The following ADAMTSL2 variants were observed in gnomAD, a reference collection of about 807,000 sequenced individuals.
ADAMTSL2 encodes ADAMTS-like protein 2.
In ADAMTSL2, 55 loss-of-function variants were observed where a neutral mutation model predicts 117.0. The observed-to-expected ratio is 0.47, with a 90% CI of 0.38 to 0.59. ADAMTSL2 has a LOEUF of 0.59. Among genes scored for constraint, ADAMTSL2 ranks in the 20% least tolerant of loss-of-function variants. The pLI, the probability that ADAMTSL2 is intolerant of heterozygous loss-of-function variation, is 0.00. For synonymous variants in ADAMTSL2, 572 were observed against 566.4 expected, an observed-to-expected ratio of 1.01 and a Z score of -0.14; for missense variants, 1,182 against 1,354.5, an observed-to-expected ratio of 0.87 and a Z score of 2.00.
In ADAMTSL2 at chr9:133,554,468, G is replaced by A; in HGVS notation, c.1051G>A (p.Glu351Lys). The change falls in exon 10 of 19, where the codon GAG becomes AAG. Residue 351 changes from glutamate to lysine, a missense_variant. Transcript: ENST00000651351. This position sits in a 1 kb window ranked among gnomAD's most constrained non-coding sequence, Gnocchi z 5.2. Reference protein sequence around the residue: ...PIYYGFSESAESQGLDGAGLM... With the variant: ...PIYYGFSESAKSQGLDGAGLM... ...CTACTATGGCTTCTCCGAGAGCGCT[G>A]AGAGCCAGGGCCTGGACGGGGCCGG... The A allele has an allele frequency of 6.4e-7, 1 of 1,554,986 alleles. No individual in the cohort carries two copies. Among genetic ancestry groups the A allele is most frequent in the Non-Finnish European group, 8.7e-7 (1 of 1,149,624 alleles).
chr9:133,547,945 G>A (rs1830393689), intron 9 of ADAMTSL2, among the ~76,000 whole-genome samples: 1 of 152,244 alleles, frequency 6.6e-6, no homozygotes, highest in African/African-American at 2.4e-5. Flanking sequence ...TGGTGGCTTG[G>A]TGCCTCAGCA....
At chr9:133,542,683 C>T (rs1830253589) in intron 7 of ADAMTSL2, among the ~76,000 whole-genome samples, 1 of 152,172 alleles carries the variant, frequency 6.6e-6, no homozygotes, top group Admixed American at 6.5e-5. Flanking sequence ...AATAACTCAT[C>T]CAAGGTCACA....
chr9:133,538,478 A>G (rs1830109356), intron 4 of ADAMTSL2, 54 bp downstream of exon 4: 3 of 1,596,590 alleles, frequency 1.9e-6, no homozygotes, highest in African/African-American at 2.7e-5. Flanking sequence ...GTCATCATGC[A>G]GTTTTCAGGG....
At chr9:133,532,945 G>A (rs1429556537), upstream of ADAMTSL2, among the ~76,000 whole-genome samples, 1 of 152,182 alleles carries the variant, frequency 6.6e-6, no homozygotes, top group Non-Finnish European at 1.5e-5. Context: ...GAAGACACTG[G>A]GGGTGTTTGT....
rs1417572390 is a variant in ADAMTSL2 at position 133,575,271 on chromosome 9, C to T, written c.*407C>T. ...GGGCCTTCTGAAGGAAACTTGCAGG[C>T]GAGCCCAACGTGGTGGGGGGCCTTC... On this transcript the variant is annotated 3_prime_UTR_variant, in exon 19 of 19. Transcript: ENST00000651351. The T allele has an allele frequency of 3.3e-5, 8 of 243,604 alleles. No individual in the cohort carries two copies. The highest frequency in any genetic ancestry group is 4.5e-5 in the African/African-American group (2 of 44,450). The allele number at this position is 243,604 out of a possible 1,614,324, so 15.1% of individuals were successfully genotyped here. A position where few individuals can be genotyped will look rare whatever the true frequency, so the allele number is the denominator to read the frequency against.
chr9:133,566,216 C>A (rs1370456229), intron 12 of ADAMTSL2, among the ~76,000 whole-genome samples: 1 of 152,140 alleles, frequency 6.6e-6, no homozygotes, highest in Admixed American at 6.5e-5. Flanking sequence ...CCAAGGCGGG[C>A]GGATCACCTG....
rs1830667930 is a variant in ADAMTSL2, at chr9:133,558,988, GC to G, written c.1650-2207del. The stretch of plus-strand genomic sequence containing the variant: ...AATCCAAAGGGTTATTTTGAACCGG[GC>G]CCGCTCTCTCTTGAGTCAGGCATGA... On this transcript the variant is annotated intron_variant, in intron 11 of 18. Transcript: ENST00000651351. This position sits in a 1 kb window ranked among gnomAD's most constrained non-coding sequence, Gnocchi z 4.3. 6.6e-6 allele frequency among the ~76,000 whole-genome samples: 1 copy of G among 152,172 alleles called. No homozygotes were observed. Among genetic ancestry groups the G allele is most frequent in the Admixed American group, 6.5e-5 (1 of 15,276 alleles).
upstream of ADAMTSL2, among the ~76,000 whole-genome samples, chr9:133,533,961 AG>A (rs903983790): frequency 1.7e-4 from 26 of 152,206 alleles, no homozygotes; most frequent in African/African-American, 6.0e-4. Context: ...GGAGTTTCCC[AG>A]GGGGGCTCTG....
At position 133,557,219 on chromosome 9, in the gene ADAMTSL2, G is replaced by A. The variant is rs938822933; in HGVS notation, c.1649+1289G>A. 3.3e-5 allele frequency among the ~76,000 whole-genome samples: 5 copies of A among 152,308 alleles called. No homozygotes were observed. The highest frequency in any genetic ancestry group is 6.5e-5 in the Admixed American group (1 of 15,306). The stretch of plus-strand genomic sequence containing the variant: ...GCAACAAAGCCAACCTCCCTGGTGA[G>A]CCAGGAGCCCCAGGGGATGCCTGCC... On this transcript the variant is annotated intron_variant, in intron 11 of 18. Coordinates refer to ENST00000651351, the MANE Select transcript of ADAMTSL2 (RefSeq NM_014694.4). This position sits in a 1 kb window ranked among gnomAD's most constrained non-coding sequence, Gnocchi z 5.2.
intron 12 of ADAMTSL2, among the ~76,000 whole-genome samples, chr9:133,564,209 A>G (rs1588303548): frequency 2.6e-5 from 2 of 78,046 alleles, no homozygotes; most frequent in Non-Finnish European, 5.5e-5. Flanking sequence ...GGAGAGAGAG[A>G]GAGGGAGAGG....
intron 4 of ADAMTSL2, 85 bp from the exon 5 acceptor site, chr9:133,539,686 G>GTCCCGGCTGTCCCGGCTGTCCCGGCTGT (rs1554810799): frequency 1.2e-3 from 1,542 of 1,306,220 alleles, no homozygotes; most frequent in Middle Eastern, 1.5e-3. Context: ...TGTCCCGGCT[G>GTCCCGGCTGTCCCGGCTGTCCCGGCTGT]CAGCCACTTC....
intron 9 of ADAMTSL2, among the ~76,000 whole-genome samples, chr9:133,547,866 G>A (rs10117728): frequency 0.84 from 128,170 of 151,848 alleles, 54,867 homozygotes; most frequent in Non-Finnish European, 0.92. Flanking sequence ...TGGGCAGGAG[G>A]GAGCGTGGGC....
At position 133,555,867 on chromosome 9, in the gene ADAMTSL2, C is replaced by T; in HGVS notation, c.1586C>T (p.Ala529Val). Residue 529 changes from alanine (A) to valine (V), a missense_variant, in exon 11 of 19, where the codon GCC becomes GTC. By Grantham distance (64) the Ala-to-Val change is moderately conservative (BLOSUM62 0). Transcript: ENST00000651351. ...AGGGTTGCCAACAGCTCCTCCGAGGCCCCATTCCCCAACGTTAGCACCAGC... is the reference window on the plus strand; with the variant it reads ...AGGGTTGCCAACAGCTCCTCCGAGGTCCCATTCCCCAACGTTAGCACCAGC... The part of the protein sequence containing the change: ...SDRVANSSSE[A>V]PFPNVSTSLL... 1 of 1,613,274 alleles carries T rather than the reference C, an allele frequency of 6.2e-7. No individual in the cohort carries two copies. Among genetic ancestry groups the T allele is most frequent in the Non-Finnish European group, 8.5e-7 (1 of 1,179,950 alleles).
At chr9:133,567,230 G>A (rs1036742141) in intron 13 of ADAMTSL2, among the ~76,000 whole-genome samples, 168 bp downstream of exon 13, 2 of 152,202 alleles carry the variant, frequency 1.3e-5, no homozygotes, top group East Asian at 3.9e-4. Context: ...AGACCTTCTG[G>A]GTCTTCCCAG....
intron 16 of ADAMTSL2, among the ~76,000 whole-genome samples, chr9:133,569,927 G>A (rs1831065678): frequency 6.6e-6 from 1 of 152,220 alleles, no homozygotes; most frequent in African/African-American, 2.4e-5. Context: ...ATCGTGACCA[G>A]TGTGTCTTCC....
At chr9:133,533,131 G>C (rs547632473), upstream of ADAMTSL2, among the ~76,000 whole-genome samples, 3 of 151,538 alleles carry the variant, frequency 2.0e-5, no homozygotes, top group East Asian at 5.9e-4. Flanking sequence ...AGTGTAATCC[G>C]GTCATGTGAG....
intron 9 of ADAMTSL2, 120 bp downstream of exon 9, chr9:133,547,333 G>A (rs1830376315): frequency 8.2e-6 from 8 of 978,938 alleles, no homozygotes; most frequent in Non-Finnish European, 1.1e-5. Flanking sequence ...GCGTGCACCC[G>A]GCAGCCTCAC....
rs2131184808 is a variant in ADAMTSL2, at chr9:133,570,390, C to T, written c.2475C>T (p.Ala825=). The T allele has an allele frequency of 1.9e-6, 3 of 1,570,820 alleles. No individual in the cohort carries two copies. Among genetic ancestry groups the T allele is most frequent in the South Asian group, 1.2e-5 (1 of 85,820 alleles). Residue 825 remains alanine (A), a synonymous_variant, in exon 17 of 19, where the codon GCC becomes GCT. Coordinates refer to ENST00000651351, the MANE Select transcript of ADAMTSL2 (RefSeq NM_014694.4). The part of the protein sequence containing the change: ...KKRLVLCMEL[A]NGKPQTRSGP... ...GGCTGGTGCTCTGCATGGAGCTGGC[C>T]AACGGGAAGCCGCAGACGCGCAGTG...
chr9:133,556,432 C>A (rs1830607154), intron 11 of ADAMTSL2, among the ~76,000 whole-genome samples: 2 of 152,212 alleles, frequency 1.3e-5, no homozygotes. Flanking sequence ...GCACACACGC[C>A]TGTAGGAGGA....
Sources: gnomAD v4.1 joint callset for allele counts (sites outside exome capture counted in the v4.1 genomes callset) on GRCh38, gnomAD v4.1.1 for gene constraint, Gnocchi (gnomAD v3.1) non-coding constraint, MANE v1.5 for transcripts, NCBI Gene and HGNC (gene_info 2026-07-23, HGNC 2026-07-21) for gene names.